Variants in ODF2L observed in about 807,000 individuals in gnomAD.
The protein encoded by ODF2L is outer dense fiber of sperm tails 2 like, also known as protein BCAP.
Under a neutral mutation model 86.3 loss-of-function variants are expected in ODF2L, and 76 were observed. The ratio of observed to expected loss-of-function variants is 0.88; its 90% CI spans 0.73 to 1.07. The LOEUF (loss-of-function observed/expected upper bound fraction) is 1.07. ODF2L is among the 50% of genes least tolerant of loss of function. ODF2L has a pLI of 0.00. For missense variants in ODF2L, 748 were observed against 717.4 expected, an observed-to-expected ratio of 1.04 and a Z score of -0.49; for synonymous variants, 241 against 231.3, an observed-to-expected ratio of 1.04 and a Z score of -0.38.
chr1:86,348,867 A>C (rs1657938869), downstream of ODF2L: 1 of 1,552,602 alleles, frequency 6.4e-7, no homozygotes, highest in Non-Finnish European at 8.6e-7. Flanking sequence ...ACACTTCCTG[A>C]TGTTGTGCTT....
intron 11 of ODF2L, among the ~76,000 whole-genome samples, chr1:86,365,911 C>T (rs1439212332): frequency 6.6e-6 from 1 of 152,144 alleles, no homozygotes; most frequent in Non-Finnish European, 1.5e-5. Context: ...AGGCAGAACA[C>T]CTGGAACTAG....
chr1:86,386,353 T>TA (rs1198445406), intron 2 of ODF2L: 5 of 150,558 alleles, frequency 3.3e-5, no homozygotes, highest in African/African-American at 9.7e-5. Flanking sequence ...TACAAATTCT[T>TA]AACAGATGAG....
At chr1:86,387,200 A>G (rs765188620) in intron 1 of ODF2L, 114 bp from the exon 2 acceptor site, 80 of 455,516 alleles carry the variant, frequency 1.8e-4, no homozygotes, top group Non-Finnish European at 2.5e-4. Context: ...CAAAGACAAA[A>G]TAAGAAGTAT....
intron 12 of ODF2L, 103 bp from the exon 12 acceptor site, chr1:86,358,994 T>A: frequency 1.7e-6 from 1 of 585,594 alleles, no homozygotes; most frequent in Non-Finnish European, 2.9e-6. Flanking sequence ...TATTTTCCTA[T>A]CAATATCCTT....
chr1:86,385,414 T>C, intron 3 of ODF2L, 44 bp downstream of exon 3: 1 of 1,247,590 alleles, frequency 8.0e-7, no homozygotes, highest in South Asian at 1.3e-5. Flanking sequence ...ATTCTGAGTA[T>C]TATACTAGCT....
Position 86,357,685 on chromosome 1 carries a change from A to G in ODF2L, c.1360-1083T>C, listed in dbSNP as rs567771605. 4.1e-5 allele frequency: 38 copies of G among 924,782 alleles called. No homozygotes were observed. In the African/African-American group the frequency reaches 5.7e-4, roughly 14 times the overall value. The allele number at this position is 924,782 out of a possible 1,614,324, so 57.3% of individuals were successfully genotyped here. On this transcript the variant is annotated intron_variant, in intron 13 of 17. Coordinates refer to ENST00000317336, the Ensembl canonical transcript of ODF2L. Reference sequence around the variant, plus strand: ...CAAAGGATCCCTCAGTGTCCTTAAAACATCTTAGAGGCCATGAGAAAACCA... The same window carrying G: ...CAAAGGATCCCTCAGTGTCCTTAAAGCATCTTAGAGGCCATGAGAAAACCA...
At chr1:86,384,389 T>C (rs556178672) in intron 4 of ODF2L, among the ~76,000 whole-genome samples, 17 of 147,824 alleles carry the variant, frequency 1.2e-4, no homozygotes, top group African/African-American at 3.7e-4. Flanking sequence ...TATGTATAAA[T>C]ATAATGTACA....
At chr1:86,358,256 C>T (rs1413041869) in intron 13 of ODF2L, 6 of 175,564 alleles carry the variant, frequency 3.4e-5, no homozygotes, top group South Asian at 3.8e-4. Context: ...AACAGAGATG[C>T]GGTTTCATTT....
rs750879717 is a variant in ODF2L at position 86,352,987 on chromosome 1, G to A, written c.1768-3C>T. On this transcript the variant is annotated splice_region_variant and splice_polypyrimidine_tract_variant and intron_variant, in intron 16 of 17. Coordinates refer to ENST00000317336, the Ensembl canonical transcript of ODF2L. ...ATTTTCTCTATTTCTTCAGCAACCT[G>A]TAATTTTTATCAAAAGAGTAAAATA... 1.1e-5 allele frequency: 16 copies of A among 1,497,980 alleles called. No individual in the cohort carries two copies. Among genetic ancestry groups the A allele is most frequent in the Non-Finnish European group, 1.5e-5 (16 of 1,091,570 alleles). The allele number at this position is 1,497,980 out of a possible 1,614,324, so 92.8% of individuals were successfully genotyped here.
exon 18 of ODF2L, chr1:86,350,978 A>G (rs1426221070): frequency 1.3e-5 from 2 of 151,878 alleles, no homozygotes; most frequent in Non-Finnish European, 2.9e-5. Context: ...AGTTCTTTGT[A>G]GATTCTGGAT....
rs1177476082 is a variant in ODF2L at position 86,370,199 on chromosome 1, A to G, written c.1056+819T>C. On this transcript the variant is annotated intron_variant, in intron 10 of 17. Transcript: ENST00000317336. ...TCTTTTCTCTCAAGGACCACAGAAT[A>G]TATCTGCAATATCTCTTAGGAATTT... Among the ~76,000 whole-genome samples the G allele has an allele frequency of 2.0e-5, 3 of 152,068 alleles. No individual in the cohort carries two copies. The East Asian group carries it at 5.8e-4, about 29-fold the overall frequency.
Position 86,387,043 on chromosome 1 carries a change from AT to A in ODF2L, c.-17del. The A allele has an allele frequency of 1.5e-6, 2 of 1,321,244 alleles. No homozygotes were observed. The highest frequency in any genetic ancestry group is 2.1e-6 in the Non-Finnish European group (2 of 949,834). The allele number at this position is 1,321,244 out of a possible 1,614,324, so 81.8% of individuals were successfully genotyped here. A position where few individuals can be genotyped will look rare whatever the true frequency, so the allele number is the denominator to read the frequency against. The stretch of plus-strand genomic sequence containing the variant: ...CCTTCTCCATAAATTCAGTAAATGG[AT>A]TTATAGGTGGCTTCACAGCGACTTC... On this transcript the variant is annotated 5_prime_UTR_variant, in exon 2 of 18. The change abolishes the stop of an existing upstream ORF in the 5' untranslated region. Transcript: ENST00000317336.
At chr1:86,351,917 C>A in exon 18 of ODF2L, 1 of 1,165,278 alleles carries the variant, frequency 8.6e-7, no homozygotes, top group Non-Finnish European at 1.1e-6. Context: ...TACAGCAAAA[C>A]CCACCTCATT....
rs145274599 is a variant in ODF2L at position 86,374,723 on chromosome 1, T to C, written c.810+1510A>G. Among the ~76,000 whole-genome samples the C allele has an allele frequency of 1.6e-3, 238 of 152,306 alleles. 9 individuals carry two copies. In the East Asian group the frequency reaches 0.036, roughly 23 times the overall value. ...TGCATTGAAACTGCATGTGAATTAG[T>C]AACTAGTGACCTTCTAATTACCAAA... On this transcript the variant is annotated intron_variant, in intron 8 of 17. Transcript: ENST00000317336.
chr1:86,370,022 G>T (rs1659687724), intron 10 of ODF2L, among the ~76,000 whole-genome samples: 1 of 151,804 alleles, frequency 6.6e-6, no homozygotes, highest in South Asian at 2.1e-4. Context: ...AAAACCCACT[G>T]CAAGCTTTAT....
chr1:86,361,927 G>C (rs1659065022), intron 11 of ODF2L, among the ~76,000 whole-genome samples: 1 of 152,054 alleles, frequency 6.6e-6, no homozygotes, highest in Admixed American at 6.6e-5. Context: ...GGGGCAGACA[G>C]ACAAAAAATA....
chr1:86,385,884 T>C (rs973580467), intron 2 of ODF2L: 5 of 194,664 alleles, frequency 2.6e-5, no homozygotes, highest in African/African-American at 1.2e-4. Context: ...TGGAAACTCT[T>C]TAATTGGCAG....
rs934669867 is a variant in ODF2L, at chr1:86,387,149, A to C, written c.-59-63T>G. 2.1e-5 allele frequency: 11 copies of C among 529,500 alleles called. No homozygotes were observed. In the African/African-American group the frequency reaches 2.2e-4, roughly 11 times the overall value. The allele number at this position is 529,500 out of a possible 1,614,324, so 32.8% of individuals were successfully genotyped here. On this transcript the variant is annotated intron_variant, in intron 1 of 17. Transcript: ENST00000317336. ...AGTTTTTTTGTCATTACTCTCTCAT[A>C]AAAAATAAAGGTTATAAGGATGTGT...
In ODF2L at chr1:86,376,633, T is replaced by C. The variant is rs1274599872; in HGVS notation, c.625-215A>G. On this transcript the variant is annotated intron_variant, in intron 7 of 17. Transcript: ENST00000317336. The stretch of plus-strand genomic sequence containing the variant: ...GAAGATCTCAGGAAACTTACAATCA[T>C]TGTAGAAGGCAGAGGAAGAAAGGAC... Among the ~76,000 whole-genome samples, 3 of 152,080 alleles carry C rather than the reference T, an allele frequency of 2.0e-5. No individual in the cohort carries two copies. Among genetic ancestry groups the C allele is most frequent in the South Asian group, 2.1e-4 (1 of 4,820 alleles).
Sources: allele counts gnomAD v4.1 joint callset (sites outside exome capture counted in the v4.1 genomes callset), GRCh38; gene constraint gnomAD v4.1.1; transcripts MANE v1.5; gene names NCBI Gene and HGNC (gene_info 2026-07-23, HGNC 2026-07-21).